Variants in KIFAP3 observed in about 807,000 individuals in gnomAD.
The protein encoded by KIFAP3 is kinesin-associated protein 3.
A neutral mutation model predicts 106.5 loss-of-function variants in KIFAP3; 68 were observed. That is an observed-to-expected ratio of 0.64 (90% CI 0.53 to 0.78). The LOEUF (loss-of-function observed/expected upper bound fraction) is 0.78. KIFAP3 is among the 30% of genes least tolerant of loss of function. KIFAP3 has a pLI of 0.00. For missense variants in KIFAP3, 780 were observed against 941.8 expected (o/e 0.83, Z 2.25); for synonymous variants, 320 against 311.5 (o/e 1.03, Z -0.29).
chr1:170,067,141 C>T (rs925663940), intron 1 of KIFAP3, among the ~76,000 whole-genome samples: 1 of 151,854 alleles, frequency 6.6e-6, no homozygotes, highest in African/African-American at 2.4e-5. Context: ...CAGAAGAAAA[C>T]ACCCAGAATA....
chr1:170,076,149 C>T (rs1671901359), upstream of KIFAP3, among the ~76,000 whole-genome samples: 1 of 152,036 alleles, frequency 6.6e-6, no homozygotes, highest in Non-Finnish European at 1.5e-5. Flanking sequence ...TGCATTCAGC[C>T]CATAGTTGTC....
Position 169,973,945 on chromosome 1 carries a change from A to C in KIFAP3, c.1898-1347T>G, listed in dbSNP as rs899018855. On this transcript the variant is annotated intron_variant, in intron 16 of 19. Coordinates refer to ENST00000361580, the MANE Select transcript of KIFAP3 (RefSeq NM_014970.4). ...AGATAAGCACTGTTATTTAAAAACC[A>C]ATAATTAAAATAGTGATTAATTCTG... Among the ~76,000 whole-genome samples the C allele has an allele frequency of 2.5e-4, 38 of 151,920 alleles. 1 individual carries two copies. Among genetic ancestry groups the C allele is most frequent in the Non-Finnish European group, 1.5e-5 (1 of 67,844 alleles).
chr1:170,047,865 C>T (rs12135355), intron 2 of KIFAP3, among the ~76,000 whole-genome samples: 9,602 of 152,186 alleles, frequency 0.063, 391 homozygotes, highest in Non-Finnish European at 0.095. Flanking sequence ...GATATAAAGA[C>T]ATAAAATTAG....
At position 169,984,640 on chromosome 1, in the gene KIFAP3, G is replaced by T; in HGVS notation, c.1335C>A (p.Leu445=). 1 of 1,609,302 alleles carries T rather than the reference G, an allele frequency of 6.2e-7. No homozygotes were observed. Residue 445 remains leucine, a synonymous_variant, in exon 12 of 20, where the codon CTC becomes CTA. Transcript: ENST00000361580. ...CAGCAAGATTAATGCAGAAAGAAAT[G>T]AGTTCCAAGTCAATTCGTTCATCTG... ...ECSDERIDLE[L]ISFCINLAAN...
intron 19 of KIFAP3, among the ~76,000 whole-genome samples, chr1:169,938,276 T>A (rs1337186656): frequency 6.6e-6 from 1 of 152,010 alleles, no homozygotes; most frequent in African/African-American, 2.4e-5. Flanking sequence ...AGCATCTTCA[T>A]CTATGTAAAA....
chr1:170,081,551 T>C (rs944481761), intron 1 of KIFAP3, among the ~76,000 whole-genome samples: 2 of 152,352 alleles, frequency 1.3e-5, no homozygotes, highest in East Asian at 1.9e-4. Flanking sequence ...TTTCAGCTGT[T>C]ACAGGCCATC....
chr1:169,977,948 G>A (rs1158220902), intron 16 of KIFAP3, 137 bp downstream of exon 16: 1 of 652,560 alleles, frequency 1.5e-6, no homozygotes, highest in Admixed American at 2.9e-5. Flanking sequence ...ATGGAAAATA[G>A]GTTATCTTGT....
Position 169,956,185 on chromosome 1 carries a change from G to A in KIFAP3, c.2174-2075C>T, listed in dbSNP as rs369383386. Among the ~76,000 whole-genome samples the A allele has an allele frequency of 2.6e-5, 4 of 152,038 alleles. No individual in the cohort carries two copies. In the East Asian group the frequency reaches 7.7e-4, roughly 29 times the overall value. ...TGCCAAAATAAAATATATGCCACACGTGGAAAATACACACAAAGATATTCG... is the reference window on the plus strand; with the variant it reads ...TGCCAAAATAAAATATATGCCACACATGGAAAATACACACAAAGATATTCG... On this transcript the variant is annotated intron_variant, in intron 18 of 19. Coordinates refer to ENST00000361580, the MANE Select transcript of KIFAP3 (RefSeq NM_014970.4).
At chr1:170,011,740 T>A (rs753076262) in intron 10 of KIFAP3, among the ~76,000 whole-genome samples, 2 of 152,076 alleles carry the variant, frequency 1.3e-5, no homozygotes, top group Non-Finnish European at 2.9e-5. Context: ...TATAACACAG[T>A]TTCCTTACTA....
At position 170,016,686 on chromosome 1, in the gene KIFAP3, T is replaced by C. The variant is rs546590502; in HGVS notation, c.1021-62A>G. ...GTTGCAAAATAGGACAAAAAGAATA[T>C]AATTATTTTTTCTTTGTTTTTACCC... On this transcript the variant is annotated intron_variant, in intron 9 of 19. Coordinates refer to ENST00000361580, the MANE Select transcript of KIFAP3 (RefSeq NM_014970.4). The C allele has an allele frequency of 1.3e-5, 13 of 1,017,508 alleles. No individual in the cohort carries two copies. The Admixed American group carries it at 2.6e-4, about 20-fold the overall frequency. 63.0% of individuals were successfully genotyped at this position (1,017,508 alleles called of 1,614,324 possible). A position where few individuals can be genotyped will look rare whatever the true frequency, so the allele number is the denominator to read the frequency against.
chr1:169,962,040 A>G (rs1187846780), intron 17 of KIFAP3, among the ~76,000 whole-genome samples: 3 of 152,100 alleles, frequency 2.0e-5, no homozygotes, highest in Admixed American at 1.3e-4. Flanking sequence ...ATAAAATGAC[A>G]TATTTTGCTG....
intron 18 of KIFAP3, among the ~76,000 whole-genome samples, chr1:169,956,446 A>G (rs1665016019): frequency 6.6e-6 from 1 of 152,156 alleles, no homozygotes; most frequent in Non-Finnish European, 1.5e-5. Flanking sequence ...ATAAATAGAA[A>G]TACAGGGCAC....
chr1:169,997,866 C>CAAAAAAAAA (rs11297528), intron 10 of KIFAP3, among the ~76,000 whole-genome samples: 2 of 74,100 alleles, frequency 2.7e-5, no homozygotes, highest in Non-Finnish European at 2.5e-5. Flanking sequence ...TGAGACGTCT[C>CAAAAAAAAA]AAAAAAAAAA....
intron 2 of KIFAP3, among the ~76,000 whole-genome samples, chr1:170,047,936 G>A (rs773048259): frequency 3.3e-5 from 5 of 152,142 alleles, no homozygotes; most frequent in African/African-American, 7.2e-5. Flanking sequence ...CCCATGCAAG[G>A]TTCTTTTGAA....
intron 16 of KIFAP3, among the ~76,000 whole-genome samples, chr1:169,973,085 A>C (rs1248752940): frequency 9.0e-6 from 1 of 111,706 alleles, no homozygotes; most frequent in Non-Finnish European, 1.9e-5. Flanking sequence ...AAGAGATAAA[A>C]ATAATTTAAA....
At chr1:170,073,533 T>C (rs1467626078) in intron 1 of KIFAP3, among the ~76,000 whole-genome samples, 1 of 152,236 alleles carries the variant, frequency 6.6e-6, no homozygotes, top group Non-Finnish European at 1.5e-5. Flanking sequence ...TTTTTAAAAG[T>C]ATTTCATCTT....
intron 19 of KIFAP3, among the ~76,000 whole-genome samples, chr1:169,943,595 C>A (rs1048840198): frequency 2.0e-5 from 3 of 151,988 alleles, no homozygotes; most frequent in African/African-American, 4.8e-5. Flanking sequence ...AAGGAGCAAG[C>A]CTTTATGACG....
intron 1 of KIFAP3, among the ~76,000 whole-genome samples, chr1:170,082,092 T>C (rs998668546): frequency 1.3e-5 from 2 of 152,206 alleles, no homozygotes; most frequent in Admixed American, 6.5e-5. Context: ...CCTATGTGTC[T>C]ACCCAAGAAA....
chr1:170,053,439 T>G (rs1362526673), intron 2 of KIFAP3, among the ~76,000 whole-genome samples: 1 of 152,022 alleles, frequency 6.6e-6, no homozygotes, highest in Non-Finnish European at 1.5e-5. Context: ...GCTATTCCCA[T>G]CAAGCTAGCA....
Sources: allele counts gnomAD v4.1 joint callset (sites outside exome capture counted in the v4.1 genomes callset), GRCh38; gene constraint gnomAD v4.1.1; transcripts MANE v1.5; gene names NCBI Gene and HGNC (gene_info 2026-07-23, HGNC 2026-07-21).